AGBL4: variants seen among roughly 807,000 people sequenced by gnomAD.
The protein encoded by AGBL4 is AGBL carboxypeptidase 4, also known as cytosolic carboxypeptidase 6.
AGBL4 carries 58 observed loss-of-function variants against 66.4 expected under a neutral mutation model. The ratio of observed to expected loss-of-function variants is 0.87; its 90% CI spans 0.71 to 1.09. The LOEUF (loss-of-function observed/expected upper bound fraction) is 1.09. Ranked by LOEUF, AGBL4 falls within the 50% of genes least tolerant of loss-of-function variation. The pLI, the probability that AGBL4 is intolerant of heterozygous loss-of-function variation, is 0.00. For missense variants in AGBL4, 579 were observed against 631.0 expected (o/e 0.92, Z 0.88); for synonymous variants, 234 against 222.9 (o/e 1.05, Z -0.44).
At chr1:49,742,579 A>G (rs1650603767) in intron 2 of AGBL4, among the ~76,000 whole-genome samples, 1 of 151,954 alleles carries the variant, frequency 6.6e-6, no homozygotes, top group African/African-American at 2.4e-5. Flanking sequence ...ACCAAAAAAG[A>G]GCCCGCATCG....
chr1:49,320,133 TG>T (rs1253297490), intron 3 of AGBL4, among the ~76,000 whole-genome samples: 1 of 152,080 alleles, frequency 6.6e-6, no homozygotes, highest in African/African-American at 2.4e-5. Flanking sequence ...GGTTTTACCA[TG>T]TTGCCCAGCT....
intron 3 of AGBL4, among the ~76,000 whole-genome samples, chr1:49,612,487 G>A (rs2124241703): frequency 6.6e-6 from 1 of 152,232 alleles, no homozygotes; most frequent in African/African-American, 2.4e-5. Flanking sequence ...ATTCAGGATA[G>A]ATTCTAATAT....
chr1:48,587,053 G>A lies in AGBL4; in HGVS notation c.1218C>T (p.Ser406=). 2 of 1,608,222 alleles carry A rather than the reference G, an allele frequency of 1.2e-6. No individual in the cohort carries two copies. The highest frequency in any genetic ancestry group is 8.5e-7 in the Non-Finnish European group (1 of 1,177,554). The change falls in exon 11 of 14, where the codon AGC becomes AGT. Residue 406 remains serine (S), a synonymous_variant. Transcript: ENST00000371839. Reference sequence around the variant, plus strand: ...CAGCCGTGGTGCCACTGATGATGTAGCTGTAGAAGGAGACCTCTAGGGTGT... The same window carrying A: ...CAGCCGTGGTGCCACTGATGATGTAACTGTAGAAGGAGACCTCTAGGGTGT... ...YCYTLEVSFY[S]YIISGTTAAV...
At chr1:49,767,610 G>A (rs1643925141) in intron 2 of AGBL4, among the ~76,000 whole-genome samples, 1 of 151,858 alleles carries the variant, frequency 6.6e-6, no homozygotes, top group Admixed American at 6.6e-5. Context: ...AATCACAGCA[G>A]AGTTGAATTT....
At chr1:49,815,151 C>CA (rs1395706996) in intron 2 of AGBL4, among the ~76,000 whole-genome samples, 1 of 152,158 alleles carries the variant, frequency 6.6e-6, no homozygotes, top group Admixed American at 6.6e-5. Context: ...CCTTAACCAG[C>CA]CTCACTGACC....
At chr1:49,910,936 A>G (rs1243375238) in intron 1 of AGBL4, among the ~76,000 whole-genome samples, 5 of 152,252 alleles carry the variant, frequency 3.3e-5, no homozygotes, top group South Asian at 2.1e-4. Context: ...CGATCATGCC[A>G]CTTCCCTCCA....
intron 1 of AGBL4, among the ~76,000 whole-genome samples, chr1:49,986,421 T>A (rs1237783902): frequency 5.3e-5 from 8 of 152,112 alleles, no homozygotes; most frequent in Admixed American, 3.9e-4. Flanking sequence ...CTGTTGACTG[T>A]TATGTGGGTT....
At chr1:48,814,087 G>T (rs2148761393) in intron 6 of AGBL4, among the ~76,000 whole-genome samples, 1 of 152,186 alleles carries the variant, frequency 6.6e-6, no homozygotes. Flanking sequence ...CTGTCATGAT[G>T]TTATTTCAGC....
chr1:48,892,822 T>C (rs1395360519), intron 5 of AGBL4, among the ~76,000 whole-genome samples: 2 of 152,058 alleles, frequency 1.3e-5, no homozygotes, highest in East Asian at 3.9e-4. Context: ...CTCTAACCAT[T>C]CCCCCCCTTT....
chr1:49,835,846 G>C (rs1645833619), intron 2 of AGBL4, among the ~76,000 whole-genome samples: 1 of 152,076 alleles, frequency 6.6e-6, no homozygotes, highest in African/African-American at 2.4e-5. Context: ...AGTTTGACTG[G>C]ATATGAAATT....
chr1:49,817,396 A>T lies in AGBL4; in HGVS notation c.157+34000T>A, dbSNP rs1230265495. Among the ~76,000 whole-genome samples, 6 of 152,196 alleles carry T rather than the reference A, an allele frequency of 3.9e-5. No individual in the cohort carries two copies. In the East Asian group the frequency reaches 1.2e-3, roughly 29 times the overall value. ...CAGCTTCCTTTATGCACTATGAGTT[A>T]AAAATATTGTCTGTTTATTAATGGT... On this transcript the variant is annotated intron_variant, in intron 2 of 13. Coordinates refer to ENST00000371839, the MANE Select transcript of AGBL4 (RefSeq NM_032785.4).
chr1:49,365,559 T>C (rs928177126), intron 3 of AGBL4, among the ~76,000 whole-genome samples: 1 of 151,192 alleles, frequency 6.6e-6, no homozygotes, highest in Non-Finnish European at 1.5e-5. Context: ...ATAATGATAA[T>C]ATTATAATGA....
chr1:49,165,087 C>T (rs1646609844), intron 4 of AGBL4, among the ~76,000 whole-genome samples: 1 of 152,038 alleles, frequency 6.6e-6, no homozygotes. Context: ...AATGACATGT[C>T]CATCTGGTTG....
At chr1:49,245,717 G>T in intron 4 of AGBL4, 53 bp downstream of exon 4, 2 of 1,374,880 alleles carry the variant, frequency 1.5e-6, no homozygotes, top group Non-Finnish European at 2.0e-6. Context: ...TATGTATGGG[G>T]TCTGGGACAA....
At chr1:49,329,977 CA>C (rs1434474838) in intron 3 of AGBL4, among the ~76,000 whole-genome samples, 5 of 152,018 alleles carry the variant, frequency 3.3e-5, no homozygotes, top group Non-Finnish European at 7.4e-5. Context: ...TGCTTGTCAA[CA>C]AAGAGGCAAT....
chr1:49,244,239 G>A (rs933005930), intron 4 of AGBL4, among the ~76,000 whole-genome samples: 5 of 151,736 alleles, frequency 3.3e-5, no homozygotes, highest in African/African-American at 1.2e-4. Context: ...GCCCTCATGA[G>A]CAAATCAACA....
intron 11 of AGBL4, among the ~76,000 whole-genome samples, chr1:48,561,869 T>C (rs1237036163): frequency 6.6e-6 from 1 of 152,214 alleles, no homozygotes; most frequent in Non-Finnish European, 1.5e-5. Context: ...CTTCAGCTCA[T>C]TGACTGCAGA....
Position 48,533,400 on chromosome 1 carries a change from T to G in AGBL4, c.*773A>C, listed in dbSNP as rs1643921336. ...TGCCTGGCAATCACCCTTTCCTCAT[T>G]GCAGATTAGCAATGCCTACATCTTC... On this transcript the variant is annotated 3_prime_UTR_variant, in exon 14 of 14. Coordinates refer to ENST00000371839, the MANE Select transcript of AGBL4 (RefSeq NM_032785.4). 1 of 152,258 alleles carries G rather than the reference T, an allele frequency of 6.6e-6. No individual in the cohort carries two copies. Among genetic ancestry groups the G allele is most frequent in the Non-Finnish European group, 1.5e-5 (1 of 68,074 alleles). 9.4% of individuals were successfully genotyped at this position (152,258 alleles called of 1,614,324 possible).
At chr1:49,402,906 A>C (rs936785361) in intron 3 of AGBL4, among the ~76,000 whole-genome samples, 1 of 152,200 alleles carries the variant, frequency 6.6e-6, no homozygotes, top group African/African-American at 2.4e-5. Context: ...TTGTGAGCTA[A>C]CATATGGTCT....
Sources: allele counts gnomAD v4.1 joint callset (sites outside exome capture counted in the v4.1 genomes callset), GRCh38; gene constraint gnomAD v4.1.1; transcripts MANE v1.5; gene names NCBI Gene and HGNC (gene_info 2026-07-23, HGNC 2026-07-21).